Variants in USP26 observed in about 807,000 individuals in gnomAD.
The protein encoded by USP26 is ubiquitin specific peptidase 26, also known as ubiquitin carboxyl-terminal hydrolase 26.
For missense variants in USP26, 649 were observed against 642.3 expected (o/e 1.01, Z -0.11); for synonymous variants, 236 against 240.6 (o/e 0.98, Z 0.18).
intron 5 of USP26, among the ~76,000 whole-genome samples, chrX:133,047,657 T>C (rs922862863): frequency 9.0e-6 from 1 of 111,363 alleles, no homozygotes; most frequent in Non-Finnish European, 1.9e-5. Flanking sequence ...AAAGTGATGG[T>C]AGAAGGAGGT....
chrX:133,069,650 A>G (rs959756160), intron 5 of USP26, among the ~76,000 whole-genome samples: 1 of 111,778 alleles, frequency 8.9e-6, no homozygotes, highest in African/African-American at 3.2e-5. Context: ...AAGAAAACAG[A>G]GGAAAGAAAA....
chrX:133,088,081 G>C (rs147074602), intron 4 of USP26, among the ~76,000 whole-genome samples: 1 of 111,733 alleles, frequency 8.9e-6, no homozygotes, highest in African/African-American at 3.3e-5. Context: ...GAGGCATGAG[G>C]ACTGCTTGAG....
At chrX:133,050,533 C>A (rs1304111309) in intron 5 of USP26, among the ~76,000 whole-genome samples, 3 of 111,882 alleles carry the variant, frequency 2.7e-5, no homozygotes, top group African/African-American at 9.8e-5. Flanking sequence ...GAAAACACCA[C>A]AAATTGCTCA....
At chrX:133,028,467 G>C (rs2067364566) in intron 5 of USP26, among the ~76,000 whole-genome samples, 171 bp from the exon 6 acceptor site, 1 of 111,620 alleles carries the variant, frequency 9.0e-6, no homozygotes, top group African/African-American at 3.3e-5. Flanking sequence ...GCAGAGTCTT[G>C]ATTCCCAAGA....
At chrX:133,056,908 C>A (rs935873162) in intron 5 of USP26, among the ~76,000 whole-genome samples, 4 of 111,272 alleles carry the variant, frequency 3.6e-5, no homozygotes, top group African/African-American at 1.3e-4. Context: ...GTAACCCAGG[C>A]TCTCTGGAGT....
intron 4 of USP26, among the ~76,000 whole-genome samples, chrX:133,089,355 T>G (rs1180090123): frequency 1.8e-5 from 2 of 111,896 alleles, no homozygotes; most frequent in African/African-American, 6.5e-5. Context: ...AATGTGACTT[T>G]TTACAGGCGA....
At chrX:133,059,367 G>C (rs777441219) in intron 5 of USP26, among the ~76,000 whole-genome samples, 4 of 111,118 alleles carry the variant, frequency 3.6e-5, no homozygotes, top group African/African-American at 1.3e-4. Flanking sequence ...AGCCTCACTG[G>C]ATGAACAATA....
chrX:133,093,968 C>G (rs2067617429), intron 1 of USP26, among the ~76,000 whole-genome samples: 1 of 81,036 alleles, frequency 1.2e-5, no homozygotes, highest in African/African-American at 4.8e-5. Flanking sequence ...GTAACAAAGC[C>G]AGACCCTGTC....
chrX:133,076,229 C>T (rs922826339), intron 5 of USP26, among the ~76,000 whole-genome samples: 7 of 111,584 alleles, frequency 6.3e-5, no homozygotes, highest in African/African-American at 9.8e-5. Flanking sequence ...CTTTAAACTA[C>T]GTGATGCCTT....
chrX:133,049,648 T>C (rs888850091), intron 5 of USP26, among the ~76,000 whole-genome samples: 2 of 112,229 alleles, frequency 1.8e-5, no homozygotes, highest in Non-Finnish European at 3.8e-5. Flanking sequence ...TTTCTTTGTA[T>C]GAAAAAAATG....
chrX:133,090,378 TTAA>T (rs1367468500), intron 3 of USP26, among the ~76,000 whole-genome samples, 152 bp from the exon 4 acceptor site: 1 of 112,577 alleles, frequency 8.9e-6, no homozygotes, highest in Non-Finnish European at 1.9e-5. Flanking sequence ...ACAGATGTTA[TTAA>T]TAAGTACAAA....
At chrX:133,095,103 AAAAAAAAAGAAAGAAAG>A (rs1242325855) in intron 1 of USP26, among the ~76,000 whole-genome samples, 1 of 103,248 alleles carries the variant, frequency 9.7e-6, no homozygotes, top group African/African-American at 3.8e-5. Flanking sequence ...CAAAAAAAAA[AAAAAAAAAGAAAGAAAG>A]AAAGAAAAGA....
At chrX:133,043,118 T>A (rs1037891013) in intron 5 of USP26, among the ~76,000 whole-genome samples, 1 of 111,628 alleles carries the variant, frequency 9.0e-6, no homozygotes, top group Non-Finnish European at 1.9e-5. Context: ...TATCAGAAAG[T>A]AGTCAAATTG....
chrX:133,024,278 T>TAA lies in USP26; in HGVS notation c.*1199_*1200dup, dbSNP rs757477545. The stretch of plus-strand genomic sequence containing the variant: ...CACCACACTATAAGGTACAGAGATG[T>TAA]AAAAAAAAAAAAAAAATCTGGAATT... On this transcript the variant is annotated 3_prime_UTR_variant, in exon 6 of 6. Transcript: ENST00000511190. Among the ~76,000 whole-genome samples, 305 of 95,631 alleles carry TAA rather than the reference T, an allele frequency of 3.2e-3. 2 individuals carry two copies. The highest frequency in any genetic ancestry group is 0.011 in the African/African-American group (294 of 26,243). The allele number at this position is 95,631 out of a possible 115,157, so 83.0% of individuals were successfully genotyped here.
chrX:133,055,305 T>C (rs1050842370), intron 5 of USP26, among the ~76,000 whole-genome samples: 1 of 111,513 alleles, frequency 9.0e-6, no homozygotes, highest in African/African-American at 3.3e-5. Context: ...GATTAGAGCT[T>C]CATAGACACA....
At chrX:133,055,421 G>A (rs1406861680) in intron 5 of USP26, among the ~76,000 whole-genome samples, 1 of 111,643 alleles carries the variant, frequency 9.0e-6, no homozygotes, top group African/African-American at 3.3e-5. Flanking sequence ...AGTCAGCCAT[G>A]GAGTTAAATT....
At chrX:133,070,268 A>AT (rs2067526489) in intron 5 of USP26, among the ~76,000 whole-genome samples, 1 of 111,934 alleles carries the variant, frequency 8.9e-6, no homozygotes, top group African/African-American at 3.2e-5. Flanking sequence ...AGACATTTAT[A>AT]TTTTTTTAAC....
chrX:133,075,221 G>A (rs921831034), intron 5 of USP26, among the ~76,000 whole-genome samples: 1 of 111,447 alleles, frequency 9.0e-6, no homozygotes, highest in Non-Finnish European at 1.9e-5. Context: ...AAGATTTCTC[G>A]ACCTAAACTG....
chrX:133,045,391 G>T (rs948795233), intron 5 of USP26, among the ~76,000 whole-genome samples: 3 of 111,830 alleles, frequency 2.7e-5, no homozygotes, highest in African/African-American at 9.8e-5. Flanking sequence ...GATGTGGGTG[G>T]GGCCAGATAA....
Sources: allele counts gnomAD v4.1 joint callset (sites outside exome capture counted in the v4.1 genomes callset), GRCh38; gene constraint gnomAD v4.1.1; transcripts MANE v1.5; gene names NCBI Gene and HGNC (gene_info 2026-07-23, HGNC 2026-07-21).